Variants in SPAG5 observed in about 807,000 individuals in gnomAD.
The protein encoded by SPAG5 is sperm-associated antigen 5.
A neutral mutation model predicts 145.4 loss-of-function variants in SPAG5; 99 were observed. That is an observed-to-expected ratio of 0.68 (90% CI 0.58 to 0.80). The LOEUF is 0.80. Among genes scored for constraint, SPAG5 ranks in the 30% least tolerant of loss-of-function variants. The pLI, the probability that SPAG5 is intolerant of heterozygous loss-of-function variation, is 0.00. For missense variants in SPAG5, 1,192 were observed against 1,416.0 expected (o/e 0.84, Z 2.54); for synonymous variants, 477 against 525.4 (o/e 0.91, Z 1.26).
chr17:28,584,690 G>GT lies in SPAG5; in HGVS notation c.2122dup (p.Thr708AsnfsTer48). The GT allele has an allele frequency of 6.2e-7, 1 of 1,614,148 alleles. No homozygotes were observed. On this transcript the variant is annotated frameshift_variant, in exon 11 of 24. Transcript: ENST00000321765. LOFTEE classifies it high-confidence loss of function. ...ACTGTTTTCCAACTCCAGTTGTTCT[G>GT]TTTGGCCTTTGCACTCCTCTAACTG...
At position 28,586,010 on chromosome 17, in the gene SPAG5, G is replaced by A; in HGVS notation, c.1606-12C>T. The A allele has an allele frequency of 6.2e-7, 1 of 1,614,178 alleles. No homozygotes were observed. Among genetic ancestry groups the A allele is most frequent in the African/African-American group, 1.3e-5 (1 of 75,038 alleles). On this transcript the variant is annotated splice_polypyrimidine_tract_variant and intron_variant, in intron 6 of 23. Transcript: ENST00000321765. ...TCTGCACGCCGAGACTATATGGTAA[G>A]AATCAGTTAATGTGTCTGGTTCCTC...
intron 17 of SPAG5, 56 bp from the exon 18 acceptor site, chr17:28,579,541 T>C: frequency 6.3e-7 from 1 of 1,579,710 alleles, no homozygotes; most frequent in South Asian, 1.1e-5. Flanking sequence ...AAGGAAGGAG[T>C]GTATAGCCAT....
Position 28,584,645 on chromosome 17 carries a change from C to G in SPAG5, c.2161+7G>C. On this transcript the variant is annotated splice_region_variant and intron_variant, in intron 11 of 23. Coordinates refer to ENST00000321765, the MANE Select transcript of SPAG5 (RefSeq NM_006461.4). ...ATGCATGCATACACACACACACACA[C>G]AAACACCTGTTGCTAGACGACTGTT... 1 of 1,611,064 alleles carries G rather than the reference C, an allele frequency of 6.2e-7. No homozygotes were observed. The highest frequency in any genetic ancestry group is 8.5e-7 in the Non-Finnish European group (1 of 1,177,158).
chr17:28,597,002 G>A (rs1009871653), intron 2 of SPAG5, among the ~76,000 whole-genome samples: 10 of 152,032 alleles, frequency 6.6e-5, no homozygotes, highest in South Asian at 4.1e-4. Flanking sequence ...CAGAAGAATC[G>A]CTTGAACCCG....
At chr17:28,595,104 A>C (rs2070653029) in intron 2 of SPAG5, among the ~76,000 whole-genome samples, 1 of 151,830 alleles carries the variant, frequency 6.6e-6, no homozygotes, top group Non-Finnish European at 1.5e-5. Context: ...CTCAAAATAC[A>C]AAAATTAGCT....
intron 19 of SPAG5, 112 bp from the exon 20 acceptor site, chr17:28,578,864 G>A: frequency 1.1e-6 from 1 of 879,724 alleles, no homozygotes; most frequent in Non-Finnish European, 1.9e-6. Context: ...GGGACCAATT[G>A]ATATCACGCC....
rs780712236 is a variant in SPAG5 at position 28,592,401 on chromosome 17, CCTCATTT to C, written c.836_842del (p.Glu279GlyfsTer28). ...CAGACTCCTTAGGATGTGTGGGAAA[CCTCATTT>C]CTCTTTCCTCCATAGCTCCATGCTC... On this transcript the variant is annotated frameshift_variant, in exon 3 of 24. Coordinates refer to ENST00000321765, the MANE Select transcript of SPAG5 (RefSeq NM_006461.4). LOFTEE classifies it high-confidence loss of function. 6.2e-7 allele frequency: 1 copy of C among 1,614,058 alleles called. No individual in the cohort carries two copies. Among genetic ancestry groups the C allele is most frequent in the Non-Finnish European group, 8.5e-7 (1 of 1,180,030 alleles).
Position 28,585,082 on chromosome 17 carries a change from T to C in SPAG5, c.2067+20A>G. ...TAGGAAGGAAACCAAGCCTAAGCAG[T>C]CCCCACTCTTGGTTTGTACCTCCTG... On this transcript the variant is annotated intron_variant, in intron 10 of 23. Coordinates refer to ENST00000321765, the MANE Select transcript of SPAG5 (RefSeq NM_006461.4). The C allele has an allele frequency of 6.3e-7, 1 of 1,593,074 alleles. No homozygotes were observed. The highest frequency in any genetic ancestry group is 1.1e-5 in the South Asian group (1 of 90,630).
At chr17:28,587,268 T>C (rs1379152136) in intron 4 of SPAG5, among the ~76,000 whole-genome samples, 1 of 142,096 alleles carries the variant, frequency 7.0e-6, no homozygotes, top group African/African-American at 2.7e-5. Flanking sequence ...AAAAAAAGGC[T>C]GGGCGCGGTG....
At chr17:28,595,257 C>CA (rs368277300) in intron 2 of SPAG5, among the ~76,000 whole-genome samples, 281 of 57,960 alleles carry the variant, frequency 4.8e-3, no homozygotes, top group South Asian at 0.038. Flanking sequence ...GACTCCTTCT[C>CA]AAAAAAAAAA....
At chr17:28,598,350 C>T (rs1356486056) in intron 2 of SPAG5, 160 bp downstream of exon 2, 1 of 830,492 alleles carries the variant, frequency 1.2e-6, no homozygotes, top group Non-Finnish European at 1.8e-6. Flanking sequence ...TTTAACCACC[C>T]TAGGGCACCT....
chr17:28,593,852 C>T (rs2070641533), intron 2 of SPAG5, among the ~76,000 whole-genome samples: 1 of 151,808 alleles, frequency 6.6e-6, no homozygotes, highest in Admixed American at 6.6e-5. Flanking sequence ...CATAAATACA[C>T]ACACAAAGAC....
At chr17:28,583,180 C>T (rs187494519) in intron 15 of SPAG5, among the ~76,000 whole-genome samples, 12 of 152,228 alleles carry the variant, frequency 7.9e-5, no homozygotes, top group Admixed American at 2.6e-4. Context: ...GTTTTCACCA[C>T]GTTGCCCAGG....
rs1037483646 is a variant in SPAG5 at position 28,585,718 on chromosome 17, C to A, written c.1741-65G>T. 4 of 1,610,496 alleles carry A rather than the reference C, an allele frequency of 2.5e-6. No individual in the cohort carries two copies. The African/African-American group carries it at 4.0e-5, about 16-fold the overall frequency. ...GGGGAGCCAGCACAAAAAGATGTAA[C>A]CATGACACCTCAATAGATCAGTTCT... On this transcript the variant is annotated intron_variant, in intron 7 of 23. Coordinates refer to ENST00000321765, the MANE Select transcript of SPAG5 (RefSeq NM_006461.4).
At chr17:28,595,306 T>C (rs1404302748) in intron 2 of SPAG5, among the ~76,000 whole-genome samples, 1 of 151,492 alleles carries the variant, frequency 6.6e-6, no homozygotes, top group Non-Finnish European at 1.5e-5. Context: ...TGTGTGTGTG[T>C]GTGCATATAT....
At chr17:28,591,133 C>T (rs1368905996) in intron 4 of SPAG5, among the ~76,000 whole-genome samples, 1 of 151,940 alleles carries the variant, frequency 6.6e-6, no homozygotes, top group Non-Finnish European at 1.5e-5. Flanking sequence ...TATAGTCTAC[C>T]AATGCAAAAA....
At chr17:28,587,254 A>AC (rs1395534425) in intron 4 of SPAG5, among the ~76,000 whole-genome samples, 1 of 151,594 alleles carries the variant, frequency 6.6e-6, no homozygotes, top group Non-Finnish European at 1.5e-5. Context: ...TCTCTAAAAA[A>AC]AAAAAAAAAA....
chr17:28,592,934 G>C lies in SPAG5; in HGVS notation c.310C>G (p.Pro104Ala), dbSNP rs1229602199. 1.9e-6 allele frequency: 3 copies of C among 1,614,064 alleles called. No individual in the cohort carries two copies. The African/African-American group carries it at 4.0e-5, about 22-fold the overall frequency. ...GGAGTAGAGCTAATTTGGGGAATTGGATCTAGAGGCTGCTCATCTGATTCA... is the reference window on the plus strand; with the variant it reads ...GGAGTAGAGCTAATTTGGGGAATTGCATCTAGAGGCTGCTCATCTGATTCA... ...QHESDEQPLD[P>A]IPQISSTPKT... The change falls in exon 3 of 24, where the codon CCA becomes GCA. Residue 104 changes from proline (P) to alanine (A), a missense_variant. By Grantham distance (27) the Pro-to-Ala change is conservative. Around this residue, in one of 5 missense-constraint regions of SPAG5, gnomAD observed 329 missense variants for 354.0 expected, o/e 0.93. Coordinates refer to ENST00000321765, the MANE Select transcript of SPAG5 (RefSeq NM_006461.4).
rs1396121443 is a variant in SPAG5, at chr17:28,579,419, C to T, written c.2951G>A (p.Cys984Tyr). The T allele has an allele frequency of 6.2e-7, 1 of 1,614,154 alleles. No homozygotes were observed. Among genetic ancestry groups the T allele is most frequent in the Non-Finnish European group, 8.5e-7 (1 of 1,179,998 alleles). Residue 984 changes from cysteine to tyrosine, a missense_variant, in exon 18 of 24, where the codon TGT becomes TAT. Around this residue, in one of 5 missense-constraint regions of SPAG5, gnomAD observed 709 missense variants for 840.7 expected, o/e 0.84. Coordinates refer to ENST00000321765, the MANE Select transcript of SPAG5 (RefSeq NM_006461.4). ...SIMTTELQSL[C>Y]SLLQESKEEA... ...TTCTTTAGACTCTTGTAGCAGGGAA[C>T]AAAGACTCTGAAGCTCAGTAGTCAT... is the stretch of plus-strand genomic sequence containing the variant.
Sources: gnomAD v4.1 joint callset for allele counts (sites outside exome capture counted in the v4.1 genomes callset) on GRCh38, gnomAD v4.1.1 for gene constraint, gnomAD v4.1.1 regional missense constraint, MANE v1.5 for transcripts, NCBI Gene and HGNC (gene_info 2026-07-23, HGNC 2026-07-21) for gene names.